Variants in OTOL1 observed in about 807,000 individuals in gnomAD.
OTOL1 encodes the protein otolin 1, also known as otolin-1.
In OTOL1, 31 loss-of-function variants were observed where a neutral mutation model predicts 25.0. The observed-to-expected ratio is 1.24, with a 90% CI of 0.93 to 1.67. The LOEUF (loss-of-function observed/expected upper bound fraction) is 1.67. Among genes scored for constraint, OTOL1 ranks in the 40% most tolerant of loss-of-function variants. The probability of loss-of-function intolerance (pLI) is 0.00; values close to 1 mark genes in which losing one functional copy is unlikely to be tolerated. For synonymous variants in OTOL1, 225 were observed against 210.3 expected, an observed-to-expected ratio of 1.07 and a Z score of -0.61; for missense variants, 654 against 587.7, an observed-to-expected ratio of 1.11 and a Z score of -1.17.
rs1477974392 is a variant in OTOL1, at chr3:161,503,302, A to G, written c.794A>G (p.Lys265Arg). ...QKGEGGMKGEKGSKGDSGMEG... is the reference protein window; with the variant it reads ...QKGEGGMKGERGSKGDSGMEG... ...GGTGAGGGGGGTATGAAAGGGGAAA[A>G]AGGTAGCAAAGGAGACAGTGGAATG... The change falls in exon 4 of 4, where the codon AAA (lysine) becomes AGA (arginine). Residue 265 changes from lysine to arginine, a missense_variant. Physicochemically the swap from Lys to Arg is conservative, Grantham distance 26. Coordinates refer to ENST00000327928, the MANE Select transcript of OTOL1 (RefSeq NM_001080440.1). 6.6e-7 allele frequency: 1 copy of G among 1,520,490 alleles called. No homozygotes were observed. The highest frequency in any genetic ancestry group is 8.8e-7 in the Non-Finnish European group (1 of 1,136,474). The allele number at this position is 1,520,490 out of a possible 1,614,324, so 94.2% of individuals were successfully genotyped here.
chr3:161,498,284 G>A (rs1052276456), intron 1 of OTOL1, among the ~76,000 whole-genome samples: 1 of 152,094 alleles, frequency 6.6e-6, no homozygotes, highest in Non-Finnish European at 1.5e-5. Flanking sequence ...TAACATCAGG[G>A]CTTTTGTTTT....
At chr3:161,501,893 G>A (rs931660127) in intron 2 of OTOL1, among the ~76,000 whole-genome samples, 17 of 151,894 alleles carry the variant, frequency 1.1e-4, no homozygotes, top group Admixed American at 1.1e-3. Context: ...TTTTGACCAA[G>A]TCTCACTCTG....
rs765579214 is a variant in OTOL1, at chr3:161,503,882, T to G, written c.1374T>G (p.Asp458Glu). 6.2e-7 allele frequency: 1 copy of G among 1,613,814 alleles called. No homozygotes were observed. The highest frequency in any genetic ancestry group is 2.2e-5 in the East Asian group (1 of 44,862). ...DWNGVYVSAE[D>E]DSIFTGFLLY... ...ATGGGGTGTATGTCAGTGCTGAGGA[T>G]GACAGCATTTTTACTGGGTTCCTTT... The change falls in exon 4 of 4, where the codon GAT (aspartate) becomes GAG (glutamate). Residue 458 changes from aspartate to glutamate, a missense_variant. Transcript: ENST00000327928.
At chr3:161,500,642 T>C (rs561242665) in intron 2 of OTOL1, among the ~76,000 whole-genome samples, 19 of 152,328 alleles carry the variant, frequency 1.2e-4, no homozygotes, top group African/African-American at 4.6e-4. Context: ...GCAATTAAAC[T>C]CTTTCGAGGA....
At chr3:161,499,030 G>A (rs1413360833) in intron 1 of OTOL1, 141 bp from the exon 2 acceptor site, 6 of 699,624 alleles carry the variant, frequency 8.6e-6, no homozygotes, top group Non-Finnish European at 9.8e-6. Context: ...TTAGGACTCT[G>A]TGTGGTTTAT....
In OTOL1 at chr3:161,503,250, G is replaced by A. The variant is rs1446245756; in HGVS notation, c.742G>A (p.Gly248Arg). 1.4e-6 allele frequency: 2 copies of A among 1,462,908 alleles called. No individual in the cohort carries two copies. The highest frequency in any genetic ancestry group is 1.4e-5 in the African/African-American group (1 of 68,966). The allele number at this position is 1,462,908 out of a possible 1,614,324, so 90.6% of individuals were successfully genotyped here. Residue 248 changes from glycine (G) to arginine (R), a missense_variant, in exon 4 of 4, where the codon GGG becomes AGG. Coordinates refer to ENST00000327928, the MANE Select transcript of OTOL1 (RefSeq NM_001080440.1). ...GGATAAGGGCTGCTGTGGAGATTCT[G>A]GGGAGAGGGGAGGAAAAGGACAGAA... ...MGDKGCCGDSGERGGKGQKGE... is the reference protein window; with the variant it reads ...MGDKGCCGDSRERGGKGQKGE...
At chr3:161,499,867 T>C (rs1274010444) in intron 2 of OTOL1, among the ~76,000 whole-genome samples, 1 of 152,228 alleles carries the variant, frequency 6.6e-6, no homozygotes, top group Non-Finnish European at 1.5e-5. Flanking sequence ...GATATTTATT[T>C]ATATCTTGTT....
In OTOL1 at chr3:161,503,890, T is replaced by A; in HGVS notation, c.1382T>A (p.Ile461Asn). The change falls in exon 4 of 4, where the codon ATT becomes AAT. Residue 461 changes from isoleucine to asparagine, a missense_variant. Coordinates refer to ENST00000327928, the MANE Select transcript of OTOL1 (RefSeq NM_001080440.1). ...TATGTCAGTGCTGAGGATGACAGCATTTTTACTGGGTTCCTTTTGTACCCA... is the reference window on the plus strand; with the variant it reads ...TATGTCAGTGCTGAGGATGACAGCAATTTTACTGGGTTCCTTTTGTACCCA... ...GVYVSAEDDS[I>N]FTGFLLYPEE... is the part of the protein sequence containing the mutation. 6.2e-7 allele frequency: 1 copy of A among 1,613,654 alleles called. No individual in the cohort carries two copies. The highest frequency in any genetic ancestry group is 8.5e-7 in the Non-Finnish European group (1 of 1,179,788).
chr3:161,499,728 C>G (rs1490606799), intron 2 of OTOL1, among the ~76,000 whole-genome samples: 1 of 152,108 alleles, frequency 6.6e-6, no homozygotes, highest in Non-Finnish European at 1.5e-5. Flanking sequence ...TATCCCTTGG[C>G]TCACTCTGAA....
chr3:161,502,928 ATT>A, intron 3 of OTOL1, 96 bp from the exon 4 acceptor site: 1 of 911,736 alleles, frequency 1.1e-6, no homozygotes, highest in Non-Finnish European at 1.5e-6. Context: ...AGGTTTCCTA[ATT>A]AGTAGGTTTG....
rs539822805 is a variant in OTOL1, at chr3:161,503,089, G to T, written c.581G>T (p.Gly194Val). 54 of 1,407,964 alleles carry T rather than the reference G, an allele frequency of 3.8e-5. No homozygotes were observed. The highest frequency in any genetic ancestry group is 4.6e-5 in the Non-Finnish European group (50 of 1,078,650). The allele number at this position is 1,407,964 out of a possible 1,614,324, so 87.2% of individuals were successfully genotyped here. The change falls in exon 4 of 4, where the codon GGC (glycine) becomes GTC (valine). Residue 194 changes from glycine (G) to valine (V), a missense_variant. Transcript: ENST00000327928. ...IGLGGVKGQK[G>V]SKGDTCGNCT... is the part of the protein sequence containing the mutation. ...TTGGGAGGAGTGAAAGGACAAAAAG[G>T]CTCCAAGGGAGACACATGTGGGAAT... is the stretch of plus-strand genomic sequence containing the variant.
chr3:161,502,709 G>A (rs1309101049), intron 3 of OTOL1, among the ~76,000 whole-genome samples: 1 of 152,030 alleles, frequency 6.6e-6, no homozygotes, highest in Non-Finnish European at 1.5e-5. Context: ...AAATGCAAAG[G>A]GTAATGGAAT....
chr3:161,502,458 A>C, intron 3 of OTOL1, 89 bp downstream of exon 3: 3 of 1,106,408 alleles, frequency 2.7e-6, no homozygotes, highest in Non-Finnish European at 4.0e-6. Context: ...ATTATCAGAG[A>C]GGTAAGCTGA....
chr3:161,497,790 T>C (rs186495075), intron 1 of OTOL1, among the ~76,000 whole-genome samples: 33 of 152,220 alleles, frequency 2.2e-4, no homozygotes, highest in East Asian at 3.9e-4. Flanking sequence ...TTGAACACCA[T>C]GGTTATGTAT....
chr3:161,502,564 T>C (rs948154836), intron 3 of OTOL1, among the ~76,000 whole-genome samples, 195 bp downstream of exon 3: 4 of 152,190 alleles, frequency 2.6e-5, no homozygotes, highest in African/African-American at 9.7e-5. Context: ...ATAGTATCTG[T>C]GCTCTGCTTC....
Position 161,503,861 on chromosome 3 carries a change from G to A in OTOL1, c.1353G>A (p.Gly451=), listed in dbSNP as rs767489589. 29 of 1,613,698 alleles carry A rather than the reference G, an allele frequency of 1.8e-5. No homozygotes were observed. Among genetic ancestry groups the A allele is most frequent in the Non-Finnish European group, 2.4e-5 (28 of 1,179,870 alleles). ...VWLEVSKDWN[G]VYVSAEDDSI... ...TTGAGGTGTCAAAAGATTGGAATGG[G>A]GTGTATGTCAGTGCTGAGGATGACA... The change falls in exon 4 of 4, where the codon GGG becomes GGA. Residue 451 remains glycine, a synonymous_variant. Coordinates refer to ENST00000327928, the MANE Select transcript of OTOL1 (RefSeq NM_001080440.1).
In OTOL1 at chr3:161,496,958, C is replaced by T; in HGVS notation, c.151C>T (p.Pro51Ser). ...GGGTCTAAAGCCATCCAGTGGCCCACCTCCAGAAGAAGAAGAAACCCTCTT... is the reference window on the plus strand; with the variant it reads ...GGGTCTAAAGCCATCCAGTGGCCCATCTCCAGAAGAAGAAGAAACCCTCTT... ...PKGLKPSSGP[P>S]PEEEETLFTE... The change falls in exon 1 of 4, where the codon CCT becomes TCT. Residue 51 changes from proline to serine, a missense_variant. Physicochemically the swap from Pro to Ser is moderately conservative, Grantham distance 74. Coordinates refer to ENST00000327928, the MANE Select transcript of OTOL1 (RefSeq NM_001080440.1). 6.2e-7 allele frequency: 1 copy of T among 1,613,540 alleles called. No individual in the cohort carries two copies. Among genetic ancestry groups the T allele is most frequent in the Non-Finnish European group, 8.5e-7 (1 of 1,179,652 alleles).
chr3:161,498,950 A>G (rs1718903676), intron 1 of OTOL1, among the ~76,000 whole-genome samples: 1 of 152,214 alleles, frequency 6.6e-6, no homozygotes. Flanking sequence ...GAATACAGTG[A>G]CAAGTACTAA....
At chr3:161,503,003 A>T (rs762310566) in intron 3 of OTOL1, 23 bp from the exon 4 acceptor site, 99 of 1,313,824 alleles carry the variant, frequency 7.5e-5, no homozygotes, top group Non-Finnish European at 9.3e-5. Flanking sequence ...ATCCTTAAAC[A>T]TTATTTTAAT....
Sources: allele counts gnomAD v4.1 joint callset (sites outside exome capture counted in the v4.1 genomes callset), GRCh38; gene constraint gnomAD v4.1.1; transcripts MANE v1.5; gene names NCBI Gene and HGNC (gene_info 2026-07-23, HGNC 2026-07-21).